The following USP40 variants were observed in gnomAD, a reference collection of about 807,000 sequenced individuals.
The protein encoded by USP40 is ubiquitin carboxyl-terminal hydrolase 40.
A neutral mutation model predicts 166.2 loss-of-function variants in USP40; 143 were observed. The observed-to-expected ratio is 0.86, with a 90% CI of 0.75 to 0.99. The LOEUF (loss-of-function observed/expected upper bound fraction) is 0.99. Ranked by LOEUF, USP40 falls within the 50% of genes least tolerant of loss-of-function variation. The pLI is 0.00. For synonymous variants in USP40, 498 were observed against 524.0 expected, an observed-to-expected ratio of 0.95 and a Z score of 0.68; for missense variants, 1,444 against 1,479.7, an observed-to-expected ratio of 0.98 and a Z score of 0.40.
chr2:233,489,286 T>G, intron 27 of USP40, 79 bp downstream of exon 27: 1 of 1,331,520 alleles, frequency 7.5e-7, no homozygotes, highest in Non-Finnish European at 1.1e-6. Flanking sequence ...CTCAGAAGAC[T>G]GATTCCTCCT....
At position 233,562,800 on chromosome 2, in the gene USP40, G is replaced by A; in HGVS notation, c.203C>T (p.Ala68Val). 6.5e-7 allele frequency: 1 copy of A among 1,530,670 alleles called. No individual in the cohort carries two copies. Among genetic ancestry groups the A allele is most frequent in the South Asian group, 1.3e-5 (1 of 79,890 alleles). 94.8% of individuals were successfully genotyped at this position (1,530,670 alleles called of 1,614,324 possible). A position where few individuals can be genotyped will look rare whatever the true frequency, so the allele number is the denominator to read the frequency against. ...CTCTTCTGGGCCAAGAGAAAATAGA[G>A]CTTCTAAAGAAAAAGGTAGAATCAG... ...TLHFTPEFRE[A>V]LFSLGPEELG... The change falls in exon 3 of 32, where the codon GCT becomes GTT. Residue 68 changes from alanine to valine, a missense_variant. Physicochemically the swap from Ala to Val is moderately conservative, Grantham distance 64. Coordinates refer to ENST00000678225, the MANE Select transcript of USP40 (RefSeq NM_001365479.2).
At chr2:233,481,083 T>A (rs2064552073) in intron 31 of USP40, 120 bp downstream of exon 31, 5 of 904,082 alleles carry the variant, frequency 5.5e-6, no homozygotes, top group Non-Finnish European at 6.8e-6. Context: ...CACACTGGTG[T>A]GCTTTGTGTG....
chr2:233,519,790 G>A (rs1432876685), intron 17 of USP40, 119 bp from the exon 18 acceptor site: 2 of 565,324 alleles, frequency 3.5e-6, no homozygotes, highest in African/African-American at 3.9e-5. Context: ...ACATTTAGTA[G>A]TTTTTGCCCA....
intron 12 of USP40, 52 bp from the exon 13 acceptor site, chr2:233,527,630 G>A: frequency 7.0e-7 from 1 of 1,437,732 alleles, no homozygotes. Context: ...AACAGACACT[G>A]TGTTTTATCT....
chr2:233,529,502 A>T lies in USP40; in HGVS notation c.1482T>A (p.Asn494Lys). Residue 494 changes from asparagine (N) to lysine (K), a missense_variant, in exon 12 of 32, where the codon AAT (asparagine) becomes AAA (lysine). Asn to Lys is a moderately conservative substitution (Grantham distance 94). Coordinates refer to ENST00000678225, the MANE Select transcript of USP40 (RefSeq NM_001365479.2). ...QLQRPPEARA[N>K]PRYGVPCHLL... ...AATGACATGGAACCCCATATCTTGG[A>T]TTAGCTCGAGCTGTGAACAAAATTT... 6.3e-7 allele frequency: 1 copy of T among 1,581,890 alleles called. No individual in the cohort carries two copies. Among genetic ancestry groups the T allele is most frequent in the African/African-American group, 1.3e-5 (1 of 74,722 alleles).
chr2:233,565,504 C>T lies in USP40; in HGVS notation c.51G>A (p.Gln17=). The T allele has an allele frequency of 1.3e-6, 2 of 1,537,272 alleles. No individual in the cohort carries two copies. Among genetic ancestry groups the T allele is most frequent in the Non-Finnish European group, 1.7e-6 (2 of 1,146,846 alleles). ...EEEYSTVSNN[Q]YGKGKKLKTK... ...TCTTTAATTTCTTCCCTTTTCCATA[C>T]TGATTATTAGACACAGTGGAATACT... The change falls in exon 2 of 32, where the codon CAG becomes CAA. Residue 17 remains glutamine (Q), a synonymous_variant. Coordinates refer to ENST00000678225, the MANE Select transcript of USP40 (RefSeq NM_001365479.2).
intron 2 of USP40, 142 bp from the exon 3 acceptor site, chr2:233,562,945 A>C: frequency 2.0e-6 from 1 of 488,002 alleles, no homozygotes; most frequent in Middle Eastern, 4.0e-4. Flanking sequence ...TACTCTATAC[A>C]CTTTACTTTC....
At chr2:233,534,286 A>T (rs1042560027) in intron 10 of USP40, among the ~76,000 whole-genome samples, 20 of 152,200 alleles carry the variant, frequency 1.3e-4, no homozygotes, top group Non-Finnish European at 2.6e-4. Context: ...AAGCTCAGAA[A>T]ATCAAAGCAT....
Position 233,499,883 on chromosome 2 carries a change from T to C in USP40, c.2646A>G (p.Leu882=), listed in dbSNP as rs1352709862. Reference sequence around the variant, plus strand: ...TCATCATGGTAAGTAACTTACCTTGTAGGCCAGATTTCTTCAGCATTAACT... The same window carrying C: ...TCATCATGGTAAGTAACTTACCTTGCAGGCCAGATTTCTTCAGCATTAACT... ...CLKLMLKKSG[L]QGDAWHLRKM... Residue 882 remains leucine (L), a synonymous_variant, in exon 22 of 32, where the codon CTA becomes CTG. Transcript: ENST00000678225. 6.2e-7 allele frequency: 1 copy of C among 1,611,850 alleles called. No individual in the cohort carries two copies. The highest frequency in any genetic ancestry group is 1.3e-5 in the African/African-American group (1 of 74,840).
intron 4 of USP40, among the ~76,000 whole-genome samples, chr2:233,559,390 C>CA (rs2071376458): frequency 6.6e-6 from 1 of 152,156 alleles, no homozygotes; most frequent in Admixed American, 6.5e-5. Context: ...ACATAACAAA[C>CA]AAAGAATTTT....
intron 3 of USP40, chr2:233,560,723 C>A: frequency 2.9e-6 from 1 of 343,198 alleles, no homozygotes; most frequent in Non-Finnish European, 5.3e-6. Flanking sequence ...TAAATATCAC[C>A]ACAATAACAA....
chr2:233,528,527 G>A (rs140998220), intron 12 of USP40, among the ~76,000 whole-genome samples: 88 of 152,182 alleles, frequency 5.8e-4, no homozygotes, highest in African/African-American at 2.0e-3. Flanking sequence ...ACCTTAGTGC[G>A]GGTTGATGAC....
intron 28 of USP40, among the ~76,000 whole-genome samples, chr2:233,487,487 T>A (rs2065017942): frequency 6.6e-6 from 1 of 152,194 alleles, no homozygotes; most frequent in South Asian, 2.1e-4. Context: ...ACAACTTGTA[T>A]TAAGAATGTG....
chr2:233,555,836 C>T (rs1180482318), intron 5 of USP40, among the ~76,000 whole-genome samples: 2 of 151,880 alleles, frequency 1.3e-5, no homozygotes, highest in East Asian at 3.9e-4. Flanking sequence ...AATTTTGGGC[C>T]AGGCGCGGTG....
Position 233,493,666 on chromosome 2 carries a change from T to C in USP40, c.2791-115A>G. Reference sequence around the variant, plus strand: ...CTAAGATGTTCTTGAACTTATCATTTTTCCTTTTAGATTTATTAACTGTCA... The same window carrying C: ...CTAAGATGTTCTTGAACTTATCATTCTTCCTTTTAGATTTATTAACTGTCA... On this transcript the variant is annotated intron_variant, in intron 24 of 31. Coordinates refer to ENST00000678225, the MANE Select transcript of USP40 (RefSeq NM_001365479.2). This position sits in a 1 kb window ranked among gnomAD's most constrained non-coding sequence, Gnocchi z 4.7. The C allele has an allele frequency of 8.2e-7, 1 of 1,226,240 alleles. No individual in the cohort carries two copies. Among genetic ancestry groups the C allele is most frequent in the Non-Finnish European group, 1.1e-6 (1 of 921,562 alleles). The allele number at this position is 1,226,240 out of a possible 1,614,324, so 76.0% of individuals were successfully genotyped here.
intron 19 of USP40, 80 bp downstream of exon 19, chr2:233,512,489 A>G: frequency 1.1e-6 from 1 of 883,824 alleles, no homozygotes; most frequent in Admixed American, 3.5e-5. Context: ...ATTTTTAAAT[A>G]TTAGGTATTG....
chr2:233,565,478 G>A lies in USP40; in HGVS notation c.77C>T (p.Thr26Ile), dbSNP rs1467024780. The change falls in exon 2 of 32, where the codon ACT becomes ATT. Residue 26 changes from threonine to isoleucine, a missense_variant. Coordinates refer to ENST00000678225, the MANE Select transcript of USP40 (RefSeq NM_001365479.2). ...NQYGKGKKLK[T>I]KALEPPAPRE... ...AGGAGCAGGTGGCTCCAAAGCTTTA[G>A]TCTTTAATTTCTTCCCTTTTCCATA... 10 of 1,537,086 alleles carry A rather than the reference G, an allele frequency of 6.5e-6. No individual in the cohort carries two copies. Among genetic ancestry groups the A allele is most frequent in the African/African-American group, 1.4e-5 (1 of 73,000 alleles).
chr2:233,500,442 TTAAA>T lies in USP40; in HGVS notation c.2614-531_2614-528del, dbSNP rs543629076. Among the ~76,000 whole-genome samples, 7 of 152,238 alleles carry T rather than the reference TTAAA, an allele frequency of 4.6e-5. No individual in the cohort carries two copies. The South Asian group carries it at 1.5e-3, about 32-fold the overall frequency. ...AAAATGAGACAATATTAACAAAAGT[TTAAA>T]TAAAACAAAAATAGTAATTAAAACA... On this transcript the variant is annotated intron_variant, in intron 21 of 31. Transcript: ENST00000678225.
intron 6 of USP40, 72 bp from the exon 7 acceptor site, chr2:233,551,591 G>T: frequency 6.9e-7 from 1 of 1,441,396 alleles, no homozygotes; most frequent in Non-Finnish European, 9.2e-7. Flanking sequence ...GTTTCTTAAG[G>T]TCTGAAAAAA....
Sources: allele counts gnomAD v4.1 joint callset (sites outside exome capture counted in the v4.1 genomes callset), GRCh38; gene constraint gnomAD v4.1.1; non-coding constraint Gnocchi (gnomAD v3.1); transcripts MANE v1.5; gene names NCBI Gene and HGNC (gene_info 2026-07-23, HGNC 2026-07-21).